Variants in ADGRL3 observed in about 807,000 individuals in gnomAD.
The protein encoded by ADGRL3 is calcium-independent alpha-latrotoxin receptor 3.
ADGRL3 carries 62 observed loss-of-function variants against 153.5 expected under a neutral mutation model. The ratio of observed to expected loss-of-function variants is 0.40; its 90% CI spans 0.33 to 0.50. The LOEUF (loss-of-function observed/expected upper bound fraction) is 0.50. Among genes scored for constraint, ADGRL3 ranks in the 20% least tolerant of loss-of-function variants. ADGRL3 has a pLI of 0.47. For missense variants in ADGRL3, 1,641 were observed against 1,859.4 expected (o/e 0.88, Z 2.16); for synonymous variants, 710 against 672.5 (o/e 1.06, Z -0.86).
rs149132623 is a variant in ADGRL3, at chr4:61,538,303, CTTG to C, written c.259+20790_259+20792del. ...TACGTAGTGGCTTTTTCAAATGATG[CTTG>C]TTGTAGTGATGTGTTGGATGTGTGA... is the stretch of plus-strand genomic sequence containing the variant. On this transcript the variant is annotated intron_variant, in intron 4 of 26. Coordinates refer to ENST00000683033, the MANE Select transcript of ADGRL3 (RefSeq NM_001387552.1). Among the ~76,000 whole-genome samples, 562 of 152,098 alleles carry C rather than the reference CTTG, an allele frequency of 3.7e-3. 3 individuals carry two copies. Among genetic ancestry groups the C allele is most frequent in the African/African-American group, 0.013 (531 of 41,480 alleles).
chr4:61,543,121 G>T (rs2098697853), intron 4 of ADGRL3, among the ~76,000 whole-genome samples: 1 of 151,550 alleles, frequency 6.6e-6, no homozygotes, highest in African/African-American at 2.4e-5. Flanking sequence ...TTTATGGTAG[G>T]CAGAATTATC....
intron 5 of ADGRL3, among the ~76,000 whole-genome samples, chr4:61,631,596 C>A (rs1230062122): frequency 6.6e-6 from 1 of 152,036 alleles, no homozygotes; most frequent in Non-Finnish European, 1.5e-5. Flanking sequence ...CCACCCTATA[C>A]ATTACCGTTA....
chr4:61,391,542 G>A (rs1171317134), intron 2 of ADGRL3, among the ~76,000 whole-genome samples: 1 of 152,122 alleles, frequency 6.6e-6, no homozygotes, highest in African/African-American at 2.4e-5. Context: ...ATGTGTGTGA[G>A]TCTGCATGTA....
At chr4:61,230,588 G>A (rs1220379586) in intron 1 of ADGRL3, among the ~76,000 whole-genome samples, 2 of 152,006 alleles carry the variant, frequency 1.3e-5, no homozygotes, top group Non-Finnish European at 2.9e-5. Context: ...GTGTCACTAT[G>A]TTGCCCAGGC....
At chr4:61,449,193 TG>T (rs1315390631) in intron 2 of ADGRL3, among the ~76,000 whole-genome samples, 10 of 152,204 alleles carry the variant, frequency 6.6e-5, no homozygotes, top group African/African-American at 1.9e-4. Context: ...TGGAGTGGAA[TG>T]GGGTGATCCT....
At chr4:61,648,905 A>G (rs1197643953) in intron 5 of ADGRL3, among the ~76,000 whole-genome samples, 1 of 152,056 alleles carries the variant, frequency 6.6e-6, no homozygotes, top group Non-Finnish European at 1.5e-5. Flanking sequence ...TGTTAGGGAC[A>G]TGATAAGAAC....
chr4:61,862,609 C>T (rs2098354177), intron 9 of ADGRL3, among the ~76,000 whole-genome samples: 1 of 152,298 alleles, frequency 6.6e-6, no homozygotes, highest in Non-Finnish European at 1.5e-5. Flanking sequence ...TGCTCCAAGT[C>T]TCTGTAACCA....
At chr4:61,919,092 C>T (rs192893666) in intron 13 of ADGRL3, among the ~76,000 whole-genome samples, 70 of 152,244 alleles carry the variant, frequency 4.6e-4, no homozygotes, top group African/African-American at 1.6e-3. Flanking sequence ...CGTTGCTTGA[C>T]TTGTGATACT....
At chr4:61,238,103 T>C (rs959599576) in intron 1 of ADGRL3, among the ~76,000 whole-genome samples, 2 of 152,202 alleles carry the variant, frequency 1.3e-5, no homozygotes, top group African/African-American at 4.8e-5. Context: ...TGTGATCTTT[T>C]AATTAGCAGA....
In ADGRL3 at chr4:61,544,608, C is replaced by A. The variant is rs370224738; in HGVS notation, c.259+27090C>A. Among the ~76,000 whole-genome samples, 590 of 152,176 alleles carry A rather than the reference C, an allele frequency of 3.9e-3. 4 individuals are homozygous for A. The highest frequency in any genetic ancestry group is 0.013 in the African/African-American group (553 of 41,534). On this transcript the variant is annotated intron_variant, in intron 4 of 26. Transcript: ENST00000683033. The stretch of plus-strand genomic sequence containing the variant: ...ATATTTGCAAGTATTACCTTATAAA[C>A]CATTGTTTACCCAGTATCAAAAATA...
chr4:61,440,918 T>C (rs1035643979), intron 2 of ADGRL3, among the ~76,000 whole-genome samples: 1 of 152,204 alleles, frequency 6.6e-6, no homozygotes, highest in East Asian at 1.9e-4. Flanking sequence ...ATTTGATTTC[T>C]AGGACTTAGA....
At chr4:61,661,158 G>A (rs944918561) in intron 5 of ADGRL3, among the ~76,000 whole-genome samples, 2 of 151,972 alleles carry the variant, frequency 1.3e-5, no homozygotes, top group Non-Finnish European at 2.9e-5. Flanking sequence ...AGACTTCTGA[G>A]TTTATTCACT....
At chr4:61,640,551 G>A (rs1020283563) in intron 5 of ADGRL3, among the ~76,000 whole-genome samples, 4 of 151,860 alleles carry the variant, frequency 2.6e-5, no homozygotes, top group African/African-American at 4.8e-5. Context: ...ATCCATATCC[G>A]TCTCTTCTCT....
intron 2 of ADGRL3, among the ~76,000 whole-genome samples, chr4:61,486,719 T>A (rs57917610): frequency 0.019 from 2,853 of 152,324 alleles, 95 homozygotes; most frequent in African/African-American, 0.064. Context: ...ACTGATATAT[T>A]TTGAAATCTT....
chr4:61,402,635 A>G (rs151263341), intron 2 of ADGRL3, among the ~76,000 whole-genome samples: 19 of 152,202 alleles, frequency 1.2e-4, no homozygotes, highest in South Asian at 6.2e-4. Context: ...CAGAGAGGGG[A>G]GAGGGAAAAG....
At chr4:61,639,266 T>C (rs1424437917) in intron 5 of ADGRL3, among the ~76,000 whole-genome samples, 1 of 152,172 alleles carries the variant, frequency 6.6e-6, no homozygotes, top group East Asian at 1.9e-4. Flanking sequence ...TATTAAAAGA[T>C]CTAAAGTTTT....
Position 61,755,652 on chromosome 4 carries a change from G to T in ADGRL3, c.1399+22098G>T, listed in dbSNP as rs375210091. ...GATCCCATTTGTCAATTTTGGCTTT[G>T]GTTGCCATTGCTTTTGGTGTTTTAG... On this transcript the variant is annotated intron_variant, in intron 8 of 26. Coordinates refer to ENST00000683033, the MANE Select transcript of ADGRL3 (RefSeq NM_001387552.1). Among the ~76,000 whole-genome samples the T allele has an allele frequency of 6.0e-4, 92 of 152,098 alleles. 1 individual carries two copies. The highest frequency in any genetic ancestry group is 1.3e-3 in the African/African-American group (54 of 41,512).
chr4:61,540,744 T>A (rs980029965), intron 4 of ADGRL3, among the ~76,000 whole-genome samples: 4 of 152,158 alleles, frequency 2.6e-5, no homozygotes, highest in African/African-American at 7.2e-5. Flanking sequence ...GTGCTTGAAG[T>A]TTAATGTAAA....
At chr4:61,561,161 G>C (rs1333519817) in intron 4 of ADGRL3, among the ~76,000 whole-genome samples, 1 of 152,066 alleles carries the variant, frequency 6.6e-6, no homozygotes, top group East Asian at 1.9e-4. Context: ...GTTCTATTAG[G>C]ATGCAATGCT....
Sources: gnomAD v4.1 joint callset for allele counts (sites outside exome capture counted in the v4.1 genomes callset) on GRCh38, gnomAD v4.1.1 for gene constraint, MANE v1.5 for transcripts, NCBI Gene and HGNC (gene_info 2026-07-23, HGNC 2026-07-21) for gene names.